The following ASB14 variants were observed in gnomAD, a reference collection of about 807,000 sequenced individuals.
The protein encoded by ASB14 is ankyrin repeat and SOCS box protein 14.
In ASB14, 63 loss-of-function variants were observed where a neutral mutation model predicts 55.6. That is an observed-to-expected ratio of 1.13 (90% CI 0.92 to 1.40). The LOEUF (loss-of-function observed/expected upper bound fraction) is 1.40, where lower values mean the gene tolerates loss of function less well. Ranked by LOEUF, ASB14 falls within the 40% of genes most tolerant of loss-of-function variation. ASB14 has a pLI of 0.00. For synonymous variants in ASB14, 256 were observed against 259.9 expected (o/e 0.98, Z 0.15); for missense variants, 724 against 710.4 (o/e 1.02, Z -0.22).
In ASB14 at chr3:57,268,615, G is replaced by A; in HGVS notation, c.*1026C>T. ...TTGTTCAGCCACTTCATAAACAGAT[G>A]ATTCATACCATAGCAGAAAAGGGTC... On this transcript the variant is annotated 3_prime_UTR_variant, in exon 11 of 11. Coordinates refer to ENST00000487349, the MANE Select transcript of ASB14 (RefSeq NM_001142733.3). 2 of 1,056,550 alleles carry A rather than the reference G, an allele frequency of 1.9e-6. No homozygotes were observed. The highest frequency in any genetic ancestry group is 1.3e-6 in the Non-Finnish European group (1 of 774,292). The allele number at this position is 1,056,550 out of a possible 1,614,324, so 65.4% of individuals were successfully genotyped here.
At chr3:57,280,888 G>C (rs1365438186) in intron 6 of ASB14, among the ~76,000 whole-genome samples, 2 of 152,122 alleles carry the variant, frequency 1.3e-5, no homozygotes, top group Non-Finnish European at 2.9e-5. Flanking sequence ...TGGTGGAAAA[G>C]GGCATTTGTT....
intron 10 of ASB14, among the ~76,000 whole-genome samples, chr3:57,273,870 G>A (rs1339202511): frequency 2.6e-5 from 4 of 151,966 alleles, no homozygotes. Flanking sequence ...ACTTTCTTCT[G>A]GGATTTAGTG....
rs781457683 is a variant in ASB14 at position 57,291,895 on chromosome 3, G to A, written c.122+17C>T. ...ATACAACACTTAATACTATATTGCC[G>A]ATGAGAAAACCATTACCTCTCATCC... On this transcript the variant is annotated intron_variant, in intron 2 of 10. Transcript: ENST00000487349. 9 of 1,520,830 alleles carry A rather than the reference G, an allele frequency of 5.9e-6. No individual in the cohort carries two copies. Among genetic ancestry groups the A allele is most frequent in the Admixed American group, 2.0e-5 (1 of 50,618 alleles). The allele number at this position is 1,520,830 out of a possible 1,614,324, so 94.2% of individuals were successfully genotyped here.
At position 57,268,724 on chromosome 3, in the gene ASB14, T is replaced by TA; in HGVS notation, c.*916dup. ...TTTCAAAAATATACCAGAACTTTAA[T>TA]ATTTCAGAGGAGGTTGTCTCTGTCA... On this transcript the variant is annotated 3_prime_UTR_variant, in exon 11 of 11. Transcript: ENST00000487349. 2 of 268,902 alleles carry TA rather than the reference T, an allele frequency of 7.4e-6. No individual in the cohort carries two copies. Among genetic ancestry groups the TA allele is most frequent in the Non-Finnish European group, 1.3e-5 (2 of 149,024 alleles). The allele number at this position is 268,902 out of a possible 1,614,324, so 16.7% of individuals were successfully genotyped here. A position where few individuals can be genotyped will look rare whatever the true frequency, so the allele number is the denominator to read the frequency against.
intron 6 of ASB14, 128 bp downstream of exon 6, chr3:57,283,066 T>C (rs1186452836): frequency 1.2e-5 from 16 of 1,316,348 alleles, no homozygotes; most frequent in Non-Finnish European, 1.6e-5. Flanking sequence ...TATTAACCCA[T>C]AATTTTTATC....
In ASB14 at chr3:57,280,326, A is replaced by G. The variant is rs1270944704; in HGVS notation, c.863T>C (p.Val288Ala). Residue 288 changes from valine (V) to alanine (A), a missense_variant, in exon 7 of 11, where the codon GTG (valine) becomes GCG (alanine). Transcript: ENST00000487349. ...PKNSGHLPIH[V>A]AADRGHLLAL... is the part of the protein sequence containing the mutation. ...CAGTAAGTGGCCCCTGTCAGCTGCCACATGGATGGGCAGGTGGCCTGAATT... is the reference window on the plus strand; with the variant it reads ...CAGTAAGTGGCCCCTGTCAGCTGCCGCATGGATGGGCAGGTGGCCTGAATT... The G allele has an allele frequency of 8.4e-6, 13 of 1,550,198 alleles. No individual in the cohort carries two copies. Among genetic ancestry groups the G allele is most frequent in the East Asian group, 2.4e-5 (1 of 40,908 alleles).
At chr3:57,284,941 G>GGTT (rs576776037) in intron 5 of ASB14, among the ~76,000 whole-genome samples, 3 of 132,182 alleles carry the variant, frequency 2.3e-5, no homozygotes, top group Non-Finnish European at 4.8e-5. Context: ...TTTCAGTGTT[G>GGTT]TTTTTTTTTT....
chr3:57,285,507 C>G (rs181267479), intron 5 of ASB14, among the ~76,000 whole-genome samples: 1 of 152,218 alleles, frequency 6.6e-6, no homozygotes, highest in African/African-American at 2.4e-5. Context: ...CACATGTGCA[C>G]ATTTCTCGTC....
chr3:57,268,674 G>A lies in ASB14; in HGVS notation c.*967C>T, dbSNP rs989471002. The A allele has an allele frequency of 1.7e-5, 8 of 461,404 alleles. No individual in the cohort carries two copies. Among genetic ancestry groups the A allele is most frequent in the Non-Finnish European group, 2.4e-5 (7 of 286,234 alleles). 28.6% of individuals were successfully genotyped at this position (461,404 alleles called of 1,614,324 possible). A position where few individuals can be genotyped will look rare whatever the true frequency, so the allele number is the denominator to read the frequency against. On this transcript the variant is annotated 3_prime_UTR_variant, in exon 11 of 11. Coordinates refer to ENST00000487349, the MANE Select transcript of ASB14 (RefSeq NM_001142733.3). ...TTTTTGATATGATGTTTACATTATA[G>A]TTACGTTGACATGTAATATGACTGT... is the stretch of plus-strand genomic sequence containing the variant.
In ASB14 at chr3:57,269,434, AC is replaced by A; in HGVS notation, c.*206del. 1 of 1,127,822 alleles carries A rather than the reference AC, an allele frequency of 8.9e-7. No homozygotes were observed. Among genetic ancestry groups the A allele is most frequent in the South Asian group, 1.8e-5 (1 of 54,840 alleles). The allele number at this position is 1,127,822 out of a possible 1,614,324, so 69.9% of individuals were successfully genotyped here. ...TTATCAAGTTGTCAGAAGTATGCAT[AC>A]ATATTTATGACAGAAGAAGTGGCTC... On this transcript the variant is annotated 3_prime_UTR_variant, in exon 11 of 11. Coordinates refer to ENST00000487349, the MANE Select transcript of ASB14 (RefSeq NM_001142733.3).
chr3:57,288,376 T>C (rs1579437165), intron 3 of ASB14, 90 bp from the exon 4 acceptor site: 3 of 1,335,702 alleles, frequency 2.2e-6, no homozygotes, highest in East Asian at 2.5e-5. Flanking sequence ...CCAAAGTTAA[T>C]GCATAAGACA....
At chr3:57,269,893 G>T in intron 10 of ASB14, 1 of 468,294 alleles carries the variant, frequency 2.1e-6, no homozygotes, top group East Asian at 3.6e-5. Flanking sequence ...AATGTACTAT[G>T]TATTAACATC....
intron 6 of ASB14, 64 bp from the exon 7 acceptor site, chr3:57,280,537 T>A: frequency 7.1e-7 from 1 of 1,414,072 alleles, no homozygotes; most frequent in Non-Finnish European, 9.6e-7. Flanking sequence ...TGAGCAATCT[T>A]AAAAATATAT....
Position 57,280,485 on chromosome 3 carries a change from A to G in ASB14, c.716-12T>C, listed in dbSNP as rs1559521997. On this transcript the variant is annotated splice_polypyrimidine_tract_variant and intron_variant, in intron 6 of 10. Transcript: ENST00000487349. Reference sequence around the variant, plus strand: ...ATGAGCATTAGCTCCTAAGAGGAGAAAGACTCTTGTTAATGCAAAAATTAT... The same window carrying G: ...ATGAGCATTAGCTCCTAAGAGGAGAGAGACTCTTGTTAATGCAAAAATTAT... The G allele has an allele frequency of 6.5e-7, 1 of 1,542,110 alleles. No individual in the cohort carries two copies. The highest frequency in any genetic ancestry group is 2.0e-5 in the Admixed American group (1 of 50,242).
In ASB14 at chr3:57,278,640, G is replaced by A; in HGVS notation, c.1168C>T (p.Leu390Phe). 1 of 1,614,232 alleles carries A rather than the reference G, an allele frequency of 6.2e-7. No individual in the cohort carries two copies. Among genetic ancestry groups the A allele is most frequent in the Non-Finnish European group, 8.5e-7 (1 of 1,180,040 alleles). The change falls in exon 8 of 11, where the codon CTC becomes TTC. Residue 390 changes from leucine (L) to phenylalanine (F), a missense_variant. Transcript: ENST00000487349. ...ALPNQDPVNC[L>F]QIALRMGNYE... is the part of the protein sequence containing the mutation. ...TTGCCCATCCTGAGGGCTATCTGGA[G>A]GCAGTTAACCGGGTCTTGATTAGGC...
chr3:57,291,886 T>C (rs1484512760), intron 2 of ASB14, 26 bp downstream of exon 2: 8 of 1,511,444 alleles, frequency 5.3e-6, no homozygotes, highest in Non-Finnish European at 7.1e-6. Flanking sequence ...CACTTAATAC[T>C]ATATTGCCGA....
At chr3:57,289,843 T>G (rs1379269931) in intron 2 of ASB14, among the ~76,000 whole-genome samples, 1 of 151,956 alleles carries the variant, frequency 6.6e-6, no homozygotes, top group Non-Finnish European at 1.5e-5. Context: ...GAGATGGGGT[T>G]TTACTGTGTT....
chr3:57,290,058 C>T (rs904159316), intron 2 of ASB14, among the ~76,000 whole-genome samples: 4 of 152,132 alleles, frequency 2.6e-5, no homozygotes, highest in Non-Finnish European at 4.4e-5. Context: ...TTTAAACCTG[C>T]ATTCATAGAT....
Position 57,291,986 on chromosome 3 carries a change from G to C in ASB14, c.48C>G (p.Thr16=), listed in dbSNP as rs1472070309. Residue 16 remains threonine, a synonymous_variant, in exon 2 of 11, where the codon ACC becomes ACG. Coordinates refer to ENST00000487349, the MANE Select transcript of ASB14 (RefSeq NM_001142733.3). ...GCAAACTCTGTTGAATGATGAGCTG[G>C]GTGTCAAAGTCTTCATCTATGTCTT... ...SDEDIDEDFD[T]QLIIQQSLQD... 2.0e-6 allele frequency: 3 copies of C among 1,534,968 alleles called. No homozygotes were observed. Among genetic ancestry groups the C allele is most frequent in the Non-Finnish European group, 2.6e-6 (3 of 1,144,926 alleles).
Sources: gnomAD v4.1 joint callset for allele counts (sites outside exome capture counted in the v4.1 genomes callset) on GRCh38, gnomAD v4.1.1 for gene constraint, MANE v1.5 for transcripts, NCBI Gene and HGNC (gene_info 2026-07-23, HGNC 2026-07-21) for gene names.